IARS2: variants seen among roughly 807,000 people sequenced by gnomAD.
IARS2 encodes the protein isoleucyl-tRNA synthetase 2, mitochondrial.
In IARS2, 56 loss-of-function variants were observed where a neutral mutation model predicts 126.3. The ratio of observed to expected loss-of-function variants is 0.44; its 90% CI spans 0.36 to 0.55. IARS2 has a LOEUF of 0.55. Ranked by LOEUF, IARS2 falls within the 20% of genes least tolerant of loss-of-function variation. IARS2 has a pLI of 0.00. For missense variants in IARS2, 1,127 were observed against 1,245.9 expected (o/e 0.90, Z 1.44); for synonymous variants, 407 against 441.1 (o/e 0.92, Z 0.97).
intron 8 of IARS2, among the ~76,000 whole-genome samples, chr1:220,104,244 T>C (rs1348090879): frequency 1.3e-5 from 2 of 152,280 alleles, no homozygotes; most frequent in East Asian, 3.8e-4. Flanking sequence ...GCCAAAGTGC[T>C]GGGATTAAAG....
At chr1:220,134,917 A>G (rs1028175538) in intron 15 of IARS2, 1 of 152,944 alleles carries the variant, frequency 6.5e-6, no homozygotes, top group Admixed American at 6.5e-5. Flanking sequence ...ACAGACATGC[A>G]CCACCACACC....
At chr1:220,132,922 AC>A (rs1657298948) in intron 14 of IARS2, among the ~76,000 whole-genome samples, 1 of 151,702 alleles carries the variant, frequency 6.6e-6, no homozygotes, top group East Asian at 1.9e-4. Context: ...ATATGCATTT[AC>A]CTTCTTACAT....
At chr1:220,138,551 A>G (rs1163859537) in intron 17 of IARS2, among the ~76,000 whole-genome samples, 4 of 151,576 alleles carry the variant, frequency 2.6e-5, no homozygotes, top group African/African-American at 9.7e-5. Context: ...TAATTTGTAT[A>G]TAATATCCTT....
chr1:220,134,202 C>T (rs980442890), intron 14 of IARS2, among the ~76,000 whole-genome samples, 200 bp from the exon 15 acceptor site: 4 of 152,162 alleles, frequency 2.6e-5, no homozygotes, highest in Non-Finnish European at 4.4e-5. Flanking sequence ...TCAGAAGTCA[C>T]GTGATACATC....
At chr1:220,101,060 G>T (rs1478098185) in intron 3 of IARS2, among the ~76,000 whole-genome samples, 1 of 152,078 alleles carries the variant, frequency 6.6e-6, no homozygotes, top group Admixed American at 6.6e-5. Flanking sequence ...GCCAAGGGAG[G>T]ATTCTCTTTT....
At chr1:220,141,068 G>C (rs1426384907) in intron 19 of IARS2, among the ~76,000 whole-genome samples, 1 of 151,594 alleles carries the variant, frequency 6.6e-6, no homozygotes, top group African/African-American at 2.4e-5. Context: ...TTTCTGATTT[G>C]GGGCAACTTA....
chr1:220,097,014 C>G (rs1656458060), intron 2 of IARS2, among the ~76,000 whole-genome samples: 1 of 151,658 alleles, frequency 6.6e-6, no homozygotes, highest in Admixed American at 6.6e-5. Context: ...CCACTGCACT[C>G]CAGCCTGGGC....
chr1:220,109,734 A>G (rs1656758800), intron 10 of IARS2, among the ~76,000 whole-genome samples: 1 of 152,168 alleles, frequency 6.6e-6, no homozygotes, highest in South Asian at 2.1e-4. Context: ...ACTTGATTAC[A>G]TCTGCAGAGG....
At chr1:220,147,422 C>A in intron 22 of IARS2, 71 bp from the exon 23 acceptor site, 1 of 1,497,836 alleles carries the variant, frequency 6.7e-7, no homozygotes, top group Non-Finnish European at 9.3e-7. Flanking sequence ...GAAGCCTCTG[C>A]TAAACCAATT....
intron 2 of IARS2, among the ~76,000 whole-genome samples, 200 bp downstream of exon 2, chr1:220,096,426 A>G (rs767451872): frequency 6.6e-6 from 1 of 152,246 alleles, no homozygotes; most frequent in Non-Finnish European, 1.5e-5. Context: ...ACGTTATATT[A>G]GTAAACATCA....
chr1:220,121,930 A>AG (rs966676238), intron 12 of IARS2, among the ~76,000 whole-genome samples: 5 of 151,916 alleles, frequency 3.3e-5, no homozygotes, highest in Middle Eastern at 3.2e-3. Flanking sequence ...CCATCTCTAG[A>AG]GGGGGGGAAA....
At chr1:220,141,621 A>G (rs1657494346) in intron 19 of IARS2, among the ~76,000 whole-genome samples, 182 bp from the exon 20 acceptor site, 1 of 152,230 alleles carries the variant, frequency 6.6e-6, no homozygotes. Context: ...GAGTGCTTTC[A>G]AGGAGGTGGG....
chr1:220,134,287 ATTGTAAAGTTACT>A, intron 14 of IARS2, 102 bp from the exon 15 acceptor site: 1 of 687,284 alleles, frequency 1.5e-6, no homozygotes, highest in East Asian at 2.9e-5. Flanking sequence ...AGTTTTCTCT[ATTGTAAAGTTACT>A]TCCCTTCCTC....
intron 21 of IARS2, among the ~76,000 whole-genome samples, chr1:220,144,516 T>C (rs1246496015): frequency 6.6e-6 from 1 of 152,202 alleles, no homozygotes; most frequent in East Asian, 1.9e-4. Flanking sequence ...GTAGGTATAA[T>C]AGATGAGATT....
Position 220,118,129 on chromosome 1 carries a change from C to A in IARS2, c.1640+3655C>A, listed in dbSNP as rs750896771. On this transcript the variant is annotated intron_variant, in intron 12 of 22. Coordinates refer to ENST00000366922, the MANE Select transcript of IARS2 (RefSeq NM_018060.4). ...CAAGTGACCACAATTTTCTGTCTTT[C>A]TTTATTATACCTTTATATTGTAGCA... The A allele has an allele frequency of 6.3e-6, 3 of 473,790 alleles. No homozygotes were observed. The East Asian group carries it at 1.8e-4, about 29-fold the overall frequency. 29.3% of individuals were successfully genotyped at this position (473,790 alleles called of 1,614,324 possible).
At chr1:220,111,748 AT>A (rs1656808916) in intron 11 of IARS2, among the ~76,000 whole-genome samples, 1 of 151,980 alleles carries the variant, frequency 6.6e-6, no homozygotes, top group Non-Finnish European at 1.5e-5. Context: ...TAGCTGGTTC[AT>A]TTATTGGCCT....
At chr1:220,118,958 A>G (rs1371058806) in intron 12 of IARS2, among the ~76,000 whole-genome samples, 1 of 152,184 alleles carries the variant, frequency 6.6e-6, no homozygotes, top group Admixed American at 6.5e-5. Flanking sequence ...AATTTAGTAA[A>G]CAAATGTGAA....
rs779751372 is a variant in IARS2, at chr1:220,102,132, G to A, written c.554G>A (p.Arg185Lys). ...CTTTTTTTCGTCTTTTTTTTAGCTA[G>A]ATCATTTGCTAAAGCAGCCATTGAG... ...LSAMEIRKKA[R>K]SFAKAAIEKQ... Residue 185 changes from arginine (R) to lysine (K), a missense_variant, in exon 4 of 23, where the codon AGA (arginine) becomes AAA (lysine). Coordinates refer to ENST00000366922, the MANE Select transcript of IARS2 (RefSeq NM_018060.4). The A allele has an allele frequency of 2.6e-5, 41 of 1,595,038 alleles. No individual in the cohort carries two copies. The highest frequency in any genetic ancestry group is 4.1e-5 in the African/African-American group (3 of 73,452).
chr1:220,123,715 G>A (rs1657096950), intron 12 of IARS2, among the ~76,000 whole-genome samples: 1 of 152,044 alleles, frequency 6.6e-6, no homozygotes, highest in African/African-American at 2.4e-5. Flanking sequence ...CTGAGCTCGT[G>A]ATCCGCCCGC....
Sources: gnomAD v4.1 joint callset for allele counts (sites outside exome capture counted in the v4.1 genomes callset) on GRCh38, gnomAD v4.1.1 for gene constraint, MANE v1.5 for transcripts, NCBI Gene and HGNC (gene_info 2026-07-23, HGNC 2026-07-21) for gene names.